The following DYSF variants were observed in gnomAD, a reference collection of about 807,000 sequenced individuals.
The protein encoded by DYSF is dysferlin, also known as dystrophy-associated fer-1-like 1.
In DYSF, 212 loss-of-function variants were observed where a neutral mutation model predicts 274.9. The ratio of observed to expected loss-of-function variants is 0.77; its 90% CI spans 0.69 to 0.86. The LOEUF is 0.86. Ranked by LOEUF, DYSF falls within the 40% of genes least tolerant of loss-of-function variation. The pLI, the probability that DYSF is intolerant of heterozygous loss-of-function variation, is 0.00. For missense variants in DYSF, 2,666 were observed against 2,783.2 expected, an observed-to-expected ratio of 0.96 and a Z score of 0.95; for synonymous variants, 1,091 against 1,078.7, an observed-to-expected ratio of 1.01 and a Z score of -0.22.
At chr2:71,614,290 C>CCA (rs1461024454) in intron 40 of DYSF, among the ~76,000 whole-genome samples, 1 of 152,214 alleles carries the variant, frequency 6.6e-6, no homozygotes, top group African/African-American at 2.4e-5. Flanking sequence ...CCTGGGGCTC[C>CCA]CAGAACTTCT....
chr2:71,642,654 C>T lies in DYSF; in HGVS notation c.4528-1311C>T, dbSNP rs75834265. Among the ~76,000 whole-genome samples the T allele has an allele frequency of 4.9e-3, 748 of 152,310 alleles. 3 individuals carry two copies. Among genetic ancestry groups the T allele is most frequent in the Admixed American group, 7.1e-3 (108 of 15,298 alleles). On this transcript the variant is annotated intron_variant, in intron 41 of 55. Coordinates refer to ENST00000410020, the MANE Select transcript of DYSF (RefSeq NM_001130987.2). ...GCAGATTCAGCCTCACTCTGGTACA[C>T]GTTCCCTGTGTGGTGTGTCTGGAGA...
At chr2:71,664,555 A>G in intron 46 of DYSF, 117 bp downstream of exon 46, 1 of 1,293,308 alleles carries the variant, frequency 7.7e-7, no homozygotes, top group East Asian at 2.5e-5. Flanking sequence ...AGCACTTCCT[A>G]GGCATTCTCT....
At chr2:71,612,133 C>A (rs1316990793) in intron 38 of DYSF, among the ~76,000 whole-genome samples, 5 of 152,232 alleles carry the variant, frequency 3.3e-5, no homozygotes, top group African/African-American at 9.6e-5. Context: ...GATGAAAGCG[C>A]TGTAGAAATT....
chr2:71,675,822 A>G (rs375459556), intron 52 of DYSF, among the ~76,000 whole-genome samples: 3 of 152,104 alleles, frequency 2.0e-5, no homozygotes, highest in Admixed American at 6.6e-5. Context: ...TTAAACAAAC[A>G]TAAGTATTTT....
exon 1 of DYSF, chr2:71,453,791 C>A (rs1471812267): frequency 1.7e-6 from 1 of 604,622 alleles, no homozygotes; most frequent in Non-Finnish European, 3.0e-6. Context: ...GCAGCCGGGG[C>A]GGGGACCCAG....
chr2:71,574,081 TA>T, intron 29 of DYSF, 116 bp from the exon 30 acceptor site: 3 of 1,301,952 alleles, frequency 2.3e-6, no homozygotes, highest in Non-Finnish European at 3.2e-6. Flanking sequence ...TGGAGGGCAC[TA>T]GTGTGGGAGC....
chr2:71,560,262 T>A (rs554715266), intron 22 of DYSF, among the ~76,000 whole-genome samples: 1 of 152,168 alleles, frequency 6.6e-6, no homozygotes, highest in South Asian at 2.1e-4. Context: ...GTGGCCTCCA[T>A]GAAAATCTCC....
chr2:71,612,549 T>A, intron 38 of DYSF, 92 bp from the exon 39 acceptor site: 1 of 1,564,362 alleles, frequency 6.4e-7, no homozygotes, highest in East Asian at 2.3e-5. Context: ...GGGGATTATC[T>A]GCGGTTTATA....
chr2:71,465,506 G>A (rs2081477678), upstream of DYSF, among the ~76,000 whole-genome samples: 1 of 152,164 alleles, frequency 6.6e-6, no homozygotes, highest in East Asian at 1.9e-4. Context: ...TGAGTTAAGG[G>A]TCATGACTAC....
intron 1 of DYSF, among the ~76,000 whole-genome samples, chr2:71,467,663 G>T (rs1419236157): frequency 6.6e-6 from 1 of 152,134 alleles, no homozygotes; most frequent in Non-Finnish European, 1.5e-5. Context: ...AGGGGAAAGG[G>T]AAGAGGAAGG....
intron 42 of DYSF, 117 bp downstream of exon 42, chr2:71,644,180 T>C: frequency 1.1e-6 from 1 of 930,060 alleles, no homozygotes; most frequent in Non-Finnish European, 1.7e-6. Context: ...TCATTCGGTG[T>C]CTGAGGGTGA....
chr2:71,618,355 G>A (rs868091223), intron 40 of DYSF, among the ~76,000 whole-genome samples: 1 of 8,810 alleles, frequency 1.1e-4, no homozygotes, highest in Admixed American at 1.8e-3. Context: ...AGAGGGGTGT[G>A]TGTGTGGTAG....
intron 3 of DYSF, among the ~76,000 whole-genome samples, chr2:71,493,489 G>A (rs2084062569): frequency 2.6e-5 from 4 of 152,178 alleles, no homozygotes; most frequent in Admixed American, 2.6e-4. Flanking sequence ...ATTTGTGAGG[G>A]AATAGAGCCA....
intron 1 of DYSF, among the ~76,000 whole-genome samples, chr2:71,480,650 T>C (rs1002987511): frequency 6.6e-6 from 1 of 152,132 alleles, no homozygotes. Flanking sequence ...AGAGTCAGCC[T>C]GGGTACTTTC....
intron 43 of DYSF, among the ~76,000 whole-genome samples, chr2:71,658,459 C>T (rs532384549): frequency 2.6e-5 from 4 of 152,304 alleles, no homozygotes; most frequent in African/African-American, 7.2e-5. Context: ...TCATCAACAC[C>T]CCACTCCTGG....
At chr2:71,635,895 C>T (rs2094394976) in intron 41 of DYSF, among the ~76,000 whole-genome samples, 1 of 151,688 alleles carries the variant, frequency 6.6e-6, no homozygotes, top group African/African-American at 2.4e-5. Context: ...GGAGAAAAAG[C>T]AACAAAGAGG....
intron 18 of DYSF, 68 bp downstream of exon 18, chr2:71,551,224 G>T: frequency 6.6e-7 from 1 of 1,520,766 alleles, no homozygotes; most frequent in South Asian, 1.1e-5. Context: ...GCCCAGGCCT[G>T]CATGCAGGGT....
intron 36 of DYSF, among the ~76,000 whole-genome samples, chr2:71,607,998 G>A (rs372304688): frequency 2.0e-5 from 3 of 152,144 alleles, no homozygotes; most frequent in African/African-American, 7.2e-5. Flanking sequence ...TCAGCAAACA[G>A]GGTGAGGGCC....
chr2:71,473,135 A>G (rs1180459422), intron 1 of DYSF, among the ~76,000 whole-genome samples: 1 of 152,064 alleles, frequency 6.6e-6, no homozygotes, highest in East Asian at 1.9e-4. Flanking sequence ...GATAGGGGAG[A>G]CAGCTGCCCA....
Sources: allele counts gnomAD v4.1 joint callset (sites outside exome capture counted in the v4.1 genomes callset), GRCh38; gene constraint gnomAD v4.1.1; transcripts MANE v1.5; gene names NCBI Gene and HGNC (gene_info 2026-07-23, HGNC 2026-07-21).